Variants in C1QTNF3 observed in about 807,000 individuals in gnomAD.
C1QTNF3 encodes C1q and TNF related 3, also known as complement C1q tumor necrosis factor-related protein 3.
C1QTNF3 carries 26 observed loss-of-function variants against 32.6 expected under a neutral mutation model. The observed-to-expected ratio is 0.80, with a 90% confidence interval of 0.58 to 1.11. The LOEUF (loss-of-function observed/expected upper bound fraction) is 1.11. Ranked by LOEUF, C1QTNF3 falls within the 50% of genes least tolerant of loss-of-function variation. The pLI is 0.00. For synonymous variants in C1QTNF3, 155 were observed against 146.0 expected, an observed-to-expected ratio of 1.06 and a Z score of -0.44; for missense variants, 362 against 398.2, an observed-to-expected ratio of 0.91 and a Z score of 0.77.
At chr5:34,202,546 CCCT>C in the C1QTNF3 span, among the ~76,000 whole-genome samples, 1 of 151,836 alleles carries the variant, frequency 6.6e-6, no homozygotes, top group Non-Finnish European at 1.5e-5. Flanking sequence ...CAGCTGAAGT[CCCT>C]CCTCAAAACT....
the C1QTNF3 span, among the ~76,000 whole-genome samples, chr5:34,153,855 A>ATT: frequency 0.47 from 55,531 of 118,524 alleles, 14,092 homozygotes; most frequent in Non-Finnish European, 0.59. Context: ...TTAGAGTATA[A>ATT]AAAAAAAAAA....
At chr5:34,171,101 A>T in the C1QTNF3 span, among the ~76,000 whole-genome samples, 1 of 151,992 alleles carries the variant, frequency 6.6e-6, no homozygotes, top group Non-Finnish European at 1.5e-5. Context: ...TGCCAACCTT[A>T]TTCTCAAATT....
rs1398726402 is a variant in C1QTNF3 at position 34,019,466 on chromosome 5, G to T, written c.*1117C>A. 6.6e-6 allele frequency: 1 copy of T among 152,180 alleles called. No individual in the cohort carries two copies. Among genetic ancestry groups the T allele is most frequent in the Non-Finnish European group, 1.5e-5 (1 of 68,034 alleles). The allele number at this position is 152,180 out of a possible 1,614,324, so 9.4% of individuals were successfully genotyped here. A position where few individuals can be genotyped will look rare whatever the true frequency, so the allele number is the denominator to read the frequency against. On this transcript the variant is annotated 3_prime_UTR_variant, in exon 6 of 6. Coordinates refer to ENST00000382065, the MANE Select transcript of C1QTNF3 (RefSeq NM_181435.6). ...AAACCTCTTTCCTTACAGGTATTCA[G>T]ATTTTATTTGTGAGCCCTCTAAACA...
chr5:34,038,237 A>G (rs1469682571), intron 1 of C1QTNF3, among the ~76,000 whole-genome samples: 2 of 152,212 alleles, frequency 1.3e-5, no homozygotes, highest in Non-Finnish European at 2.9e-5. Context: ...TGCTTTGGAA[A>G]TGGAAGGCTT....
the C1QTNF3 span, among the ~76,000 whole-genome samples, chr5:34,091,409 C>T: frequency 6.6e-6 from 1 of 152,192 alleles, no homozygotes; most frequent in Non-Finnish European, 1.5e-5. Flanking sequence ...TTGCCTGGAC[C>T]ACCACCACTA....
intron 5 of C1QTNF3, among the ~76,000 whole-genome samples, chr5:34,022,930 A>C (rs548139998): frequency 6.6e-6 from 1 of 152,298 alleles, no homozygotes; most frequent in South Asian, 2.1e-4. Flanking sequence ...ATCTCAGCTT[A>C]CTGCAAGTTC....
At chr5:34,191,973 C>T in the C1QTNF3 span, 1 of 710,328 alleles carries the variant, frequency 1.4e-6, no homozygotes, top group African/African-American at 1.7e-5. Flanking sequence ...CAGCCCCTCC[C>T]CCCTCCACAT....
chr5:34,229,703 G>C, the C1QTNF3 span, among the ~76,000 whole-genome samples: 3 of 152,092 alleles, frequency 2.0e-5, no homozygotes, highest in Non-Finnish European at 4.4e-5. Context: ...TGAAGGTGAA[G>C]GAAAGGAACT....
intron 4 of C1QTNF3, 123 bp from the exon 5 acceptor site, chr5:34,024,131 G>A (rs1754406075): frequency 9.9e-6 from 7 of 710,134 alleles, no homozygotes; most frequent in South Asian, 8.6e-5. Context: ...GTAGTATGGT[G>A]TCTCTCCTTG....
the C1QTNF3 span, among the ~76,000 whole-genome samples, chr5:34,071,694 C>G: frequency 6.6e-6 from 1 of 152,074 alleles, no homozygotes; most frequent in Non-Finnish European, 1.5e-5. Flanking sequence ...CACCTTCAGC[C>G]AGGGGTGCTC....
the C1QTNF3 span, among the ~76,000 whole-genome samples, chr5:34,065,734 G>A: frequency 1.2e-4 from 19 of 152,044 alleles, no homozygotes; most frequent in Middle Eastern, 3.4e-3. Context: ...CTTATACACC[G>A]TCGTTGGGAA....
At chr5:34,098,825 C>A in the C1QTNF3 span, among the ~76,000 whole-genome samples, 6 of 111,530 alleles carry the variant, frequency 5.4e-5, no homozygotes, top group South Asian at 1.8e-3. Context: ...CTAAAGATAA[C>A]GTGTCTGCTG....
At chr5:34,174,309 G>A in the C1QTNF3 span, among the ~76,000 whole-genome samples, 7 of 151,970 alleles carry the variant, frequency 4.6e-5, no homozygotes, top group East Asian at 1.9e-4. Context: ...CGCCCACCTC[G>A]GCCTCCCAAA....
At chr5:34,119,082 A>G in the C1QTNF3 span, among the ~76,000 whole-genome samples, 3 of 152,212 alleles carry the variant, frequency 2.0e-5, no homozygotes, top group Non-Finnish European at 2.9e-5. Flanking sequence ...TATTGCTATT[A>G]TTGTCTCTTA....
chr5:34,029,292 C>A (rs1023003305), intron 3 of C1QTNF3, among the ~76,000 whole-genome samples: 1 of 151,866 alleles, frequency 6.6e-6, no homozygotes. Flanking sequence ...CGAAAAGATA[C>A]CTATTAATTT....
chr5:34,064,998 GCTAAGTCTCCAAAAGCAAT>G, the C1QTNF3 span, among the ~76,000 whole-genome samples: 1 of 151,938 alleles, frequency 6.6e-6, no homozygotes, highest in African/African-American at 2.4e-5. Context: ...AGAATTTTTG[GCTAAGTCTCCAAAAGCAAT>G]TGCAACAAAA....
intron 3 of C1QTNF3, among the ~76,000 whole-genome samples, chr5:34,029,303 C>T (rs1420267580): frequency 6.9e-6 from 1 of 145,762 alleles, no homozygotes; most frequent in Non-Finnish European, 1.5e-5. Flanking sequence ...CTATTAATTT[C>T]TTTTTTTTTT....
the C1QTNF3 span, among the ~76,000 whole-genome samples, chr5:34,230,697 C>T: frequency 6.6e-6 from 1 of 152,104 alleles, no homozygotes; most frequent in South Asian, 2.1e-4. Context: ...CACCATATTT[C>T]AAGTGTTCAA....
the C1QTNF3 span, among the ~76,000 whole-genome samples, chr5:34,206,068 C>T: frequency 1.3e-5 from 2 of 152,074 alleles, no homozygotes; most frequent in South Asian, 4.1e-4. Context: ...CAACACAATA[C>T]ATTAATTGGT....
Sources: gnomAD v4.1 joint callset for allele counts (sites outside exome capture counted in the v4.1 genomes callset) on GRCh38, gnomAD v4.1.1 for gene constraint, MANE v1.5 for transcripts, NCBI Gene and HGNC (gene_info 2026-07-23, HGNC 2026-07-21) for gene names.